The following FCN3 variants were observed in gnomAD, a reference collection of about 807,000 sequenced individuals.
FCN3 encodes ficolin 3, also known as ficolin-3.
A neutral mutation model predicts 31.5 loss-of-function variants in FCN3; 28 were observed. That is an observed-to-expected ratio of 0.89 (90% CI 0.66 to 1.22). FCN3 has a LOEUF of 1.22. Ranked by LOEUF, FCN3 falls within the 50% of genes most tolerant of loss-of-function variation. The pLI, the probability that FCN3 is intolerant of heterozygous loss-of-function variation, is 0.00. For missense variants in FCN3, 351 were observed against 386.8 expected, an observed-to-expected ratio of 0.91 and a Z score of 0.78; for synonymous variants, 124 against 147.4, an observed-to-expected ratio of 0.84 and a Z score of 1.15.
In FCN3 at chr1:27,369,314, G is replaced by A; in HGVS notation, c.822C>T (p.Ala274=). The A allele has an allele frequency of 6.2e-7, 1 of 1,614,218 alleles. No individual in the cohort carries two copies. Among genetic ancestry groups the A allele is most frequent in the Non-Finnish European group, 8.5e-7 (1 of 1,180,024 alleles). ...NGRYAVSEAA[A]HKYGIDWASG... is the part of the protein sequence containing the mutation. ...AGGCCCAGTCAATGCCATATTTGTGGGCGGCAGCCTCAGACACTGCATAGC... is the reference window on the plus strand; with the variant it reads ...AGGCCCAGTCAATGCCATATTTGTGAGCGGCAGCCTCAGACACTGCATAGC... The change falls in exon 8 of 8, where the codon GCC becomes GCT. Residue 274 remains alanine (A), a synonymous_variant. Transcript: ENST00000270879.
chr1:27,372,819 C>T (rs1185225468), intron 5 of FCN3, among the ~76,000 whole-genome samples: 1 of 120,014 alleles, frequency 8.3e-6, no homozygotes, highest in Admixed American at 1.0e-4. Flanking sequence ...CTCTTTTCAC[C>T]CAGGCTGGAG....
rs1324805471 is a variant in FCN3 at position 27,374,378 on chromosome 1, C to T, written c.165G>A (p.Glu55=). 6.2e-7 allele frequency: 1 copy of T among 1,613,308 alleles called. No homozygotes were observed. Among genetic ancestry groups the T allele is most frequent in the Non-Finnish European group, 8.5e-7 (1 of 1,179,384 alleles). The change falls in exon 2 of 8, where the codon GAG becomes GAA. Residue 55 remains glutamate, a synonymous_variant. Coordinates refer to ENST00000270879, the MANE Select transcript of FCN3 (RefSeq NM_003665.4). Reference sequence around the variant, plus strand: ...CACCTTGAGGACCTGGGGCTCCCTTCTCCCCAGGACTTCCTGGAGCTCCGG... The same window carrying T: ...CACCTTGAGGACCTGGGGCTCCCTTTTCCCCAGGACTTCCTGGAGCTCCGG... ...SCPGAPGSPG[E]KGAPGPQGPP...
At chr1:27,373,722 A>G in intron 3 of FCN3, 1 of 657,556 alleles carries the variant, frequency 1.5e-6, no homozygotes, top group Non-Finnish European at 2.6e-6. Flanking sequence ...ACCCTGTAGG[A>G]GGGCCTTCAT....
chr1:27,370,407 T>C, intron 7 of FCN3, 189 bp downstream of exon 7: 3 of 602,752 alleles, frequency 5.0e-6, no homozygotes, highest in Non-Finnish European at 5.9e-6. Flanking sequence ...GGATTCAAAC[T>C]CAGGTCTGTT....
chr1:27,373,074 G>A (rs1190481664), intron 5 of FCN3, 62 bp downstream of exon 5: 7 of 1,577,084 alleles, frequency 4.4e-6, no homozygotes, highest in Non-Finnish European at 5.2e-6. Flanking sequence ...GGCTCCCCTA[G>A]GGGCCAAGGG....
intron 2 of FCN3, 172 bp downstream of exon 2, chr1:27,374,184 A>G: frequency 1.4e-6 from 1 of 719,046 alleles, no homozygotes; most frequent in South Asian, 1.8e-5. Flanking sequence ...CAGAATGGGG[A>G]TGAAACCACT....
rs1210516517 is a variant in FCN3, at chr1:27,370,883, G to T, written c.483C>A (p.Phe161Leu). The change falls in exon 6 of 8, where the codon TTC becomes TTA. Residue 161 changes from phenylalanine to leucine, a missense_variant. Phe to Leu is a conservative substitution (Grantham distance 22, BLOSUM62 0). Transcript: ENST00000270879. ...GGTGCAAATTCTCATTTCCCAGCCA[G>T]AATTCAGACTCTTGGTTCCCAAAAC... ...RAGFGNQESE[F>L]WLGNENLHQL... 7.4e-6 allele frequency: 12 copies of T among 1,613,972 alleles called. No homozygotes were observed. The Admixed American group carries it at 2.0e-4, about 27-fold the overall frequency.
intron 1 of FCN3, 121 bp from the exon 2 acceptor site, chr1:27,374,572 G>A (rs550830875): frequency 1.3e-6 from 1 of 799,572 alleles, no homozygotes; most frequent in South Asian, 1.7e-5. Flanking sequence ...AGCTGGCAAG[G>A]TTTCGTGTGC....
chr1:27,371,037 A>C, intron 5 of FCN3, 65 bp from the exon 6 acceptor site: 1 of 1,545,714 alleles, frequency 6.5e-7, no homozygotes, highest in Non-Finnish European at 8.9e-7. Flanking sequence ...GGGTGCAGGA[A>C]CTGTGAGGGG....
chr1:27,373,856 T>C lies in FCN3; in HGVS notation c.232+109A>G, dbSNP rs28385720. ...CTTCCCACTCCTCCCAGCCATCCAT[T>C]CCCCTGTGAGAGAGCCATCATAGGC... On this transcript the variant is annotated intron_variant, in intron 3 of 7. Transcript: ENST00000270879. The C allele has an allele frequency of 2.3e-3, 2,205 of 954,756 alleles. 38 individuals carry two copies. In the African/African-American group the frequency reaches 0.031, roughly 13 times the overall value. The allele number at this position is 954,756 out of a possible 1,614,324, so 59.1% of individuals were successfully genotyped here.
Position 27,369,441 on chromosome 1 carries a change from G to T in FCN3, c.695C>A (p.Thr232Asn). Residue 232 changes from threonine to asparagine, a missense_variant, in exon 8 of 8, where the codon ACC (threonine) becomes AAC (asparagine). Coordinates refer to ENST00000270879, the MANE Select transcript of FCN3 (RefSeq NM_003665.4). The stretch of plus-strand genomic sequence containing the variant: ...TGAATCGTGGTCAGCGTCATAGGTG[G>T]TAAAGGGCCTCCCACTGTGGAGGCT... The part of the protein sequence containing the change: ...SLSLHSGRPF[T>N]TYDADHDSSN... 6.2e-7 allele frequency: 1 copy of T among 1,614,212 alleles called. No homozygotes were observed. Among genetic ancestry groups the T allele is most frequent in the Non-Finnish European group, 8.5e-7 (1 of 1,180,012 alleles).
At chr1:27,369,901 T>A (rs1166146972) in intron 7 of FCN3, among the ~76,000 whole-genome samples, 6 of 152,134 alleles carry the variant, frequency 3.9e-5, no homozygotes, top group Non-Finnish European at 8.8e-5. Flanking sequence ...ACTGTTTCTC[T>A]GAAAGAAGAC....
intron 7 of FCN3, 60 bp from the exon 8 acceptor site, chr1:27,369,537 G>A: frequency 6.6e-7 from 1 of 1,508,708 alleles, no homozygotes; most frequent in Non-Finnish European, 9.2e-7. Context: ...CACCTTTGGA[G>A]ATATAATGCC....
intron 7 of FCN3, among the ~76,000 whole-genome samples, chr1:27,369,766 T>C (rs749002490): frequency 2.7e-4 from 41 of 149,148 alleles, no homozygotes; most frequent in Non-Finnish European, 4.5e-4. Context: ...TCAGCTCCCA[T>C]CCAGTCTGAG....
rs375904051 is a variant in FCN3 at position 27,374,615 on chromosome 1, G to A, written c.91+113C>T. 8.9e-5 allele frequency: 68 copies of A among 762,810 alleles called. No individual in the cohort carries two copies. In the East Asian group the frequency reaches 1.7e-3, roughly 19 times the overall value. 47.3% of individuals were successfully genotyped at this position (762,810 alleles called of 1,614,324 possible). ...CCATTTGCATATATTTACATGCAGA[G>A]CCCAGATTATGAAACTCCCACCCTG... On this transcript the variant is annotated intron_variant, in intron 1 of 7. Transcript: ENST00000270879.
At chr1:27,370,298 C>T (rs1284256767) in intron 7 of FCN3, among the ~76,000 whole-genome samples, 4 of 151,960 alleles carry the variant, frequency 2.6e-5, no homozygotes, top group African/African-American at 7.3e-5. Context: ...CATGAGCCAC[C>T]GTGCCCGGCC....
intron 1 of FCN3, 45 bp from the exon 2 acceptor site, chr1:27,374,496 T>G: frequency 3.1e-6 from 4 of 1,277,334 alleles, no homozygotes; most frequent in Non-Finnish European, 4.6e-6. Context: ...AGACTGTCTC[T>G]TCCAGACCCC....
At position 27,374,719 on chromosome 1, in the gene FCN3, G is replaced by C. The variant is rs2016216438; in HGVS notation, c.91+9C>G. On this transcript the variant is annotated intron_variant, in intron 1 of 7. Transcript: ENST00000270879. ...GTGGGTTGGTGAGGAGGGCACCCTA[G>C]GTGCCCACCTGGGCAGCTGGGGTGT... is the stretch of plus-strand genomic sequence containing the variant. 6 of 1,410,982 alleles carry C rather than the reference G, an allele frequency of 4.3e-6. No homozygotes were observed. The highest frequency in any genetic ancestry group is 5.6e-6 in the Non-Finnish European group (6 of 1,078,082). The allele number at this position is 1,410,982 out of a possible 1,614,324, so 87.4% of individuals were successfully genotyped here. A position where few individuals can be genotyped will look rare whatever the true frequency, so the allele number is the denominator to read the frequency against.
chr1:27,373,541 G>A (rs2148072550), intron 3 of FCN3, 21 bp from the exon 4 acceptor site: 5 of 1,613,886 alleles, frequency 3.1e-6, no homozygotes, highest in African/African-American at 2.7e-5. Context: ...GAAGGGATGA[G>A]TGTTGGCTCT....
Sources: allele counts gnomAD v4.1 joint callset (sites outside exome capture counted in the v4.1 genomes callset), GRCh38; gene constraint gnomAD v4.1.1; transcripts MANE v1.5; gene names NCBI Gene and HGNC (gene_info 2026-07-23, HGNC 2026-07-21).